THOC1: variants seen among roughly 807,000 people sequenced by gnomAD.
THOC1 encodes the protein THO complex 1.
THOC1 carries 29 observed loss-of-function variants against 97.3 expected under a neutral mutation model. The observed-to-expected ratio is 0.30, with a 90% CI of 0.22 to 0.41. The LOEUF (loss-of-function observed/expected upper bound fraction) is 0.41. Among genes scored for constraint, THOC1 ranks in the 10% least tolerant of loss-of-function variants. The probability of loss-of-function intolerance (pLI) is 1.00; values close to 1 mark genes in which losing one functional copy is unlikely to be tolerated. For synonymous variants in THOC1, 255 were observed against 257.0 expected (o/e 0.99, Z 0.07); for missense variants, 529 against 761.9 (o/e 0.69, Z 3.60).
intron 3 of THOC1, 49 bp from the exon 4 acceptor site, chr18:264,141 A>G: frequency 7.8e-7 from 1 of 1,282,152 alleles, no homozygotes; most frequent in Non-Finnish European, 1.1e-6. Context: ...AGTTCAGACT[A>G]AACTCGATTA....
At chr18:267,576 C>A (rs778918784) in intron 1 of THOC1, among the ~76,000 whole-genome samples, 1 of 152,204 alleles carries the variant, frequency 6.6e-6, no homozygotes, top group Non-Finnish European at 1.5e-5. Context: ...AGGGCGGGAG[C>A]CAGGTCTTTG....
At chr18:235,083 C>CTTTTTTTTTTTTTTTT (rs1450345886) in intron 11 of THOC1, among the ~76,000 whole-genome samples, 1 of 103,086 alleles carries the variant, frequency 9.7e-6, no homozygotes, top group East Asian at 2.6e-4. Flanking sequence ...ATTTGGTTTT[C>CTTTTTTTTTTTTTTTT]TATTTTTTTT....
At chr18:246,745 G>A (rs1287095738) in intron 10 of THOC1, among the ~76,000 whole-genome samples, 3 of 151,948 alleles carry the variant, frequency 2.0e-5, no homozygotes, top group South Asian at 2.1e-4. Flanking sequence ...GGGAGGCGGA[G>A]GGGGGCGGGT....
At position 252,582 on chromosome 18, in the gene THOC1, C is replaced by T; in HGVS notation, c.634G>A (p.Val212Ile). ...HTEDREEGMD[V>I]EEGEMGDEEA... is the part of the protein sequence containing the mutation. ...TCGTCTCCCATTTCGCCTTCTTCTA[C>T]ATCCATTCCTTCTTCTCTATCTTCA... Residue 212 changes from valine (V) to isoleucine (I), a missense_variant, in exon 9 of 21, where the codon GTA (valine) becomes ATA (isoleucine). Physicochemically the swap from Val to Ile is conservative, Grantham distance 29. Transcript: ENST00000261600. The T allele has an allele frequency of 6.2e-7, 1 of 1,609,144 alleles. No individual in the cohort carries two copies. Among genetic ancestry groups the T allele is most frequent in the Non-Finnish European group, 8.5e-7 (1 of 1,178,452 alleles).
In THOC1 at chr18:215,000, T is replaced by A. The variant is rs1910820541; in HGVS notation, c.1679-79A>T. 7.7e-6 allele frequency: 10 copies of A among 1,300,868 alleles called. No individual in the cohort carries two copies. In the East Asian group the frequency reaches 2.3e-4, roughly 30 times the overall value. The allele number at this position is 1,300,868 out of a possible 1,614,324, so 80.6% of individuals were successfully genotyped here. A position where few individuals can be genotyped will look rare whatever the true frequency, so the allele number is the denominator to read the frequency against. ...TGGAAAGCTATGGGGCCAATAAGTT[T>A]TATTAACCACCTTTAGTAGACTTTA... is the stretch of plus-strand genomic sequence containing the variant. On this transcript the variant is annotated intron_variant, in intron 20 of 20. Transcript: ENST00000261600.
intron 4 of THOC1, among the ~76,000 whole-genome samples, chr18:261,886 A>C (rs1912617480): frequency 6.6e-6 from 1 of 152,176 alleles, no homozygotes; most frequent in African/African-American, 2.4e-5. Context: ...CTGATGAGCC[A>C]GCAAGTCTGG....
At chr18:246,872 G>GCTGA (rs914095406) in intron 10 of THOC1, among the ~76,000 whole-genome samples, 1 of 145,686 alleles carries the variant, frequency 6.9e-6, no homozygotes, top group Non-Finnish European at 1.5e-5. Flanking sequence ...AGCTACTCAG[G>GCTGA]AGACTGAGGC....
intron 11 of THOC1, among the ~76,000 whole-genome samples, chr18:231,027 C>T (rs1395452755): frequency 9.2e-5 from 14 of 152,208 alleles, no homozygotes; most frequent in Admixed American, 9.2e-4. Context: ...GCTGGGATTA[C>T]AGGTGTAGGC....
chr18:237,177 T>TTG (rs1911735367), intron 11 of THOC1, among the ~76,000 whole-genome samples: 1 of 128,254 alleles, frequency 7.8e-6, no homozygotes, highest in Non-Finnish European at 1.7e-5. Flanking sequence ...TTTTTTTTTT[T>TTG]GAGACAGAGT....
Position 214,620 on chromosome 18 carries a change from A to C in THOC1, c.*6T>G, listed in dbSNP as rs1484088864. The C allele has an allele frequency of 1.9e-6, 3 of 1,584,372 alleles. No homozygotes were observed. The highest frequency in any genetic ancestry group is 2.6e-6 in the Non-Finnish European group (3 of 1,167,150). On this transcript the variant is annotated 3_prime_UTR_variant, in exon 21 of 21. Coordinates refer to ENST00000261600, the MANE Select transcript of THOC1 (RefSeq NM_005131.3). ...ACAGTTTTAATAAAAAGAAAAAAAA[A>C]AGAAGCTAACTATTTGTCTCATTGT...
At position 242,254 on chromosome 18, in the gene THOC1, A is replaced by G. The variant is rs1459130544; in HGVS notation, c.918+4070T>C. Among the ~76,000 whole-genome samples, 1 of 151,604 alleles carries G rather than the reference A, an allele frequency of 6.6e-6. No individual in the cohort carries two copies. Among genetic ancestry groups the G allele is most frequent in the Non-Finnish European group, 1.5e-5 (1 of 68,026 alleles). ...CACTTTGGAAGGCTGAGGCAGGCAGATCACCTGAGGCTGCGAGTTCGAGAC... is the reference window on the plus strand; with the variant it reads ...CACTTTGGAAGGCTGAGGCAGGCAGGTCACCTGAGGCTGCGAGTTCGAGAC... On this transcript the variant is annotated intron_variant, in intron 11 of 20. Transcript: ENST00000261600. The surrounding 1 kb of genome is among the most constrained non-coding windows in gnomAD (Gnocchi z 4.5).
At chr18:215,317 G>T in intron 20 of THOC1, 112 bp downstream of exon 20, 1 of 783,850 alleles carries the variant, frequency 1.3e-6, no homozygotes, top group Non-Finnish European at 2.1e-6. Context: ...AGAAACAGTT[G>T]AGATAAAATG....
At chr18:227,325 T>A (rs113995815) in intron 11 of THOC1, among the ~76,000 whole-genome samples, 1,613 of 148,984 alleles carry the variant, frequency 0.011, 16 homozygotes, top group African/African-American at 0.036. Context: ...AAAAAAAAAA[T>A]TTTTTTTTAA....
Position 214,740 on chromosome 18 carries a change from C to T in THOC1, c.1860G>A (p.Trp620Ter), listed in dbSNP as rs1910804846. The change falls in exon 21 of 21, where the codon TGG (tryptophan) becomes TGA (stop). Residue 620 changes from tryptophan (W) to a stop codon, truncating the protein, a stop_gained. Coordinates refer to ENST00000261600, the MANE Select transcript of THOC1 (RefSeq NM_005131.3). LOFTEE classifies it high-confidence loss of function. ...TTGCATGAACTCCCTCTTGATCTTG[C>T]CAGGCAACCAGGAGCTGCTTAGCTC... ...KMRAKQLLVA[W>*]QDQEGVHATP... 1 of 1,613,818 alleles carries T rather than the reference C, an allele frequency of 6.2e-7. No homozygotes were observed. The highest frequency in any genetic ancestry group is 1.7e-5 in the Admixed American group (1 of 59,996).
At position 264,071 on chromosome 18, in the gene THOC1, T is replaced by C. The variant is rs766503377; in HGVS notation, c.211A>G (p.Asn71Asp). The C allele has an allele frequency of 6.2e-7, 1 of 1,612,090 alleles. No homozygotes were observed. The change falls in exon 4 of 21, where the codon AAC becomes GAC. Residue 71 changes from asparagine to aspartate, a missense_variant. Asn to Asp is a conservative substitution (Grantham distance 23). This residue lies in a region of THOC1 where 114 missense variants were observed against 97.4 expected (regional missense o/e 1.17). Coordinates refer to ENST00000261600, the MANE Select transcript of THOC1 (RefSeq NM_005131.3). Reference protein sequence around the residue: ...EEIINHSSCENVLAIISLAIG... With the variant: ...EEIINHSSCEDVLAIISLAIG... ...GCAAGAGAAATAATAGCTAAAACGT[T>C]TTCACATGATGAATGATTTATCTAC...
At chr18:263,263 T>C (rs947495044) in intron 4 of THOC1, among the ~76,000 whole-genome samples, 17 of 151,428 alleles carry the variant, frequency 1.1e-4, no homozygotes, top group African/African-American at 4.1e-4. Flanking sequence ...TTATTTTTAG[T>C]AGAGACGGGG....
chr18:253,902 A>ATT (rs35294329), intron 8 of THOC1, among the ~76,000 whole-genome samples: 113 of 133,944 alleles, frequency 8.4e-4, no homozygotes, highest in East Asian at 2.4e-3. Context: ...TTTACATGAA[A>ATT]TTTTTTTTTT....
intron 19 of THOC1, 171 bp downstream of exon 19, chr18:216,310 CTCATG>C: frequency 1.4e-6 from 1 of 702,766 alleles, no homozygotes; most frequent in South Asian, 2.0e-5. Flanking sequence ...TCTTTATCAA[CTCATG>C]TATTTCCTGT....
chr18:217,748 A>G (rs548816419), intron 18 of THOC1, among the ~76,000 whole-genome samples: 1 of 152,266 alleles, frequency 6.6e-6, no homozygotes, highest in Non-Finnish European at 1.5e-5. Context: ...CAGGGAGGGG[A>G]AGAGCTTCCC....
Sources: allele counts gnomAD v4.1 joint callset (sites outside exome capture counted in the v4.1 genomes callset), GRCh38; gene constraint gnomAD v4.1.1; regional missense constraint gnomAD v4.1.1; non-coding constraint Gnocchi (gnomAD v3.1); transcripts MANE v1.5; gene names NCBI Gene and HGNC (gene_info 2026-07-23, HGNC 2026-07-21).